The following CCBE1 variants were observed in gnomAD, a reference collection of about 807,000 sequenced individuals.
The protein encoded by CCBE1 is collagen and calcium-binding EGF domain-containing protein 1.
In CCBE1, 37 loss-of-function variants were observed where a neutral mutation model predicts 50.0. That is an observed-to-expected ratio of 0.74 (90% CI 0.57 to 0.97). The LOEUF is 0.97. Among genes scored for constraint, CCBE1 ranks in the 50% least tolerant of loss-of-function variants. The pLI, the probability that CCBE1 is intolerant of heterozygous loss-of-function variation, is 0.00. For missense variants in CCBE1, 538 were observed against 523.8 expected (o/e 1.03, Z -0.26); for synonymous variants, 234 against 203.7 (o/e 1.15, Z -1.27).
chr18:59,520,947 C>T (rs930566986), intron 2 of CCBE1, among the ~76,000 whole-genome samples: 3 of 152,298 alleles, frequency 2.0e-5, no homozygotes, highest in Admixed American at 6.5e-5. Context: ...AAAGTTAATA[C>T]ATTTTTGTTG....
intron 2 of CCBE1, among the ~76,000 whole-genome samples, chr18:59,508,867 C>G (rs1914007174): frequency 6.6e-6 from 1 of 151,846 alleles, no homozygotes; most frequent in South Asian, 2.1e-4. Flanking sequence ...TTGGCATGTG[C>G]CACCACATAC....
intron 2 of CCBE1, chr18:59,568,517 A>G (rs2144477413): frequency 6.6e-6 from 1 of 152,346 alleles, no homozygotes; most frequent in Admixed American, 6.5e-5. Context: ...AGGTTTCAAG[A>G]GACTCTCTAA....
chr18:59,558,952 C>T (rs2052692496), intron 2 of CCBE1, among the ~76,000 whole-genome samples: 1 of 152,218 alleles, frequency 6.6e-6, no homozygotes, highest in Non-Finnish European at 1.5e-5. Flanking sequence ...CCTAAGTGCT[C>T]TTTCTGTTCA....
At chr18:59,557,562 G>T (rs545973048) in intron 2 of CCBE1, among the ~76,000 whole-genome samples, 1 of 152,092 alleles carries the variant, frequency 6.6e-6, no homozygotes, top group African/African-American at 2.4e-5. Flanking sequence ...ACCTCTGATT[G>T]GTCCCCTCCT....
chr18:59,600,877 G>A (rs943756038), intron 2 of CCBE1, among the ~76,000 whole-genome samples: 4 of 151,990 alleles, frequency 2.6e-5, no homozygotes, highest in Admixed American at 2.0e-4. Flanking sequence ...GTTGGTAAGG[G>A]GTGGCAGGGA....
chr18:59,628,068 T>C (rs2053810031), intron 2 of CCBE1, among the ~76,000 whole-genome samples: 2 of 151,904 alleles, frequency 1.3e-5, no homozygotes, highest in African/African-American at 4.8e-5. Flanking sequence ...CAAAAAATTA[T>C]CCGAGTGTGG....
At chr18:59,483,662 C>A (rs1912680391) in intron 2 of CCBE1, among the ~76,000 whole-genome samples, 2 of 152,226 alleles carry the variant, frequency 1.3e-5, no homozygotes, top group African/African-American at 4.8e-5. Context: ...TGTTAAAAGT[C>A]AAATTTGGTA....
intron 2 of CCBE1, among the ~76,000 whole-genome samples, chr18:59,558,053 T>C (rs1703716345): frequency 6.6e-6 from 1 of 152,186 alleles, no homozygotes; most frequent in African/African-American, 2.4e-5. Flanking sequence ...GAAGACTGCT[T>C]TCTATTTGGT....
At chr18:59,676,831 A>G (rs1045931138) in intron 2 of CCBE1, among the ~76,000 whole-genome samples, 1 of 152,222 alleles carries the variant, frequency 6.6e-6, no homozygotes, top group Non-Finnish European at 1.5e-5. Flanking sequence ...TAAATTCAGA[A>G]GGATTAGGAA....
intron 2 of CCBE1, among the ~76,000 whole-genome samples, chr18:59,583,666 T>C (rs1166441412): frequency 1.1e-5 from 1 of 91,246 alleles, no homozygotes; most frequent in Non-Finnish European, 2.2e-5. Context: ...TGTGTGTGTG[T>C]GTGTGTGTGT....
chr18:59,452,872 A>G (rs1301749331), intron 6 of CCBE1, among the ~76,000 whole-genome samples: 4 of 152,224 alleles, frequency 2.6e-5, no homozygotes. Flanking sequence ...GATTGCCACA[A>G]TGCATTTGCA....
chr18:59,454,978 G>C, intron 5 of CCBE1, 27 bp from the exon 6 acceptor site: 1 of 1,574,240 alleles, frequency 6.4e-7, no homozygotes, highest in Non-Finnish European at 8.7e-7. Flanking sequence ...GCTCAGTCCT[G>C]TCTGGGAGGC....
chr18:59,541,556 G>T (rs1487679096), intron 2 of CCBE1, among the ~76,000 whole-genome samples: 2 of 152,128 alleles, frequency 1.3e-5, no homozygotes, highest in Admixed American at 1.3e-4. Context: ...TTCCAGAAAA[G>T]GGGGGTATAG....
chr18:59,681,458 G>A (rs1433390607), intron 2 of CCBE1, among the ~76,000 whole-genome samples: 2 of 152,214 alleles, frequency 1.3e-5, no homozygotes, highest in Admixed American at 1.3e-4. Flanking sequence ...GCAGGAGTCT[G>A]CCCAAAGGCA....
chr18:59,596,444 T>C (rs2053352007), intron 2 of CCBE1, among the ~76,000 whole-genome samples: 1 of 152,194 alleles, frequency 6.6e-6, no homozygotes, highest in Non-Finnish European at 1.5e-5. Context: ...ACCTAGATCA[T>C]TTAGTAGTAT....
chr18:59,670,463 T>C (rs1371164186), intron 2 of CCBE1, among the ~76,000 whole-genome samples: 1 of 152,170 alleles, frequency 6.6e-6, no homozygotes, highest in Admixed American at 6.5e-5. Flanking sequence ...CCTGGAAACA[T>C]GACCAGCTTC....
In CCBE1 at chr18:59,469,457, C is replaced by G. The variant is rs1042648051; in HGVS notation, c.400+16G>C. On this transcript the variant is annotated intron_variant, in intron 4 of 10. Coordinates refer to ENST00000439986, the MANE Select transcript of CCBE1 (RefSeq NM_133459.4). The stretch of plus-strand genomic sequence containing the variant: ...CACATGTTCAGAAGCTGGAAACAAG[C>G]ACATTCCCAACACACCCAGACAGTA... 1 of 1,614,184 alleles carries G rather than the reference C, an allele frequency of 6.2e-7. No individual in the cohort carries two copies. Among genetic ancestry groups the G allele is most frequent in the Non-Finnish European group, 8.5e-7 (1 of 1,180,030 alleles).
intron 10 of CCBE1, 151 bp from the exon 11 acceptor site, chr18:59,436,292 G>T: frequency 2.8e-6 from 2 of 714,754 alleles, no homozygotes; most frequent in Middle Eastern, 3.8e-4. Flanking sequence ...CAGGAGCCTG[G>T]GGGTCCTCCA....
intron 2 of CCBE1, among the ~76,000 whole-genome samples, chr18:59,507,571 A>G (rs918309453): frequency 6.6e-6 from 1 of 152,076 alleles, no homozygotes; most frequent in African/African-American, 2.4e-5. Flanking sequence ...TGTCCAACCC[A>G]CTTCCAGAAA....
Sources: gnomAD v4.1 joint callset for allele counts (sites outside exome capture counted in the v4.1 genomes callset) on GRCh38, gnomAD v4.1.1 for gene constraint, MANE v1.5 for transcripts, NCBI Gene and HGNC (gene_info 2026-07-23, HGNC 2026-07-21) for gene names.